CDYL: variants seen among roughly 807,000 people sequenced by gnomAD.
The protein encoded by CDYL is chromodomain Y like.
A neutral mutation model predicts 47.3 loss-of-function variants in CDYL; 8 were observed. The ratio of observed to expected loss-of-function variants is 0.17; its 90% CI spans 0.10 to 0.31. CDYL has a LOEUF of 0.31. Among genes scored for constraint, CDYL ranks in the 10% least tolerant of loss-of-function variants. The pLI is 1.00. For missense variants in CDYL, 471 were observed against 701.4 expected (o/e 0.67, Z 3.71); for synonymous variants, 266 against 265.0 (o/e 1.00, Z -0.04).
At chr6:4,744,565 G>A (rs1257714800) in intron 3 of CDYL, among the ~76,000 whole-genome samples, 1 of 152,140 alleles carries the variant, frequency 6.6e-6, no homozygotes, top group Non-Finnish European at 1.5e-5. Flanking sequence ...GAAAAGTCCA[G>A]AGTCCTACTA....
At chr6:4,775,353 C>A (rs1439098925), upstream of CDYL, 1 of 152,404 alleles carries the variant, frequency 6.6e-6, no homozygotes, top group Non-Finnish European at 1.5e-5. The surrounding 1 kb of genome is among the most constrained non-coding windows in gnomAD (Gnocchi z 7.0). Context: ...TGGGGCACGT[C>A]CAGGGCCCGG....
At chr6:4,727,431 C>T (rs1000581871) in intron 2 of CDYL, among the ~76,000 whole-genome samples, 54 of 152,268 alleles carry the variant, frequency 3.5e-4, no homozygotes, top group African/African-American at 1.3e-3. Flanking sequence ...TCCACAGGCT[C>T]AAGCCCATCT....
intron 1 of CDYL, among the ~76,000 whole-genome samples, chr6:4,823,909 T>C (rs916023191): frequency 2.6e-5 from 4 of 152,238 alleles, no homozygotes; most frequent in African/African-American, 9.6e-5. Flanking sequence ...CCCCAGTCCC[T>C]GGAAATCTCT....
chr6:4,896,262 C>A (rs943396827), intron 2 of CDYL, among the ~76,000 whole-genome samples: 13 of 152,214 alleles, frequency 8.5e-5, no homozygotes, highest in Non-Finnish European at 1.2e-4. Context: ...TGACAGCAGG[C>A]CTCCTGTGGA....
intron 1 of CDYL, among the ~76,000 whole-genome samples, chr6:4,857,587 C>G (rs780714297): frequency 6.6e-6 from 1 of 152,128 alleles, no homozygotes; most frequent in Non-Finnish European, 1.5e-5. Flanking sequence ...TCGTTGAGGA[C>G]TATTTGTTGC....
chr6:4,742,229 G>A (rs1318150981), intron 3 of CDYL, among the ~76,000 whole-genome samples: 1 of 151,944 alleles, frequency 6.6e-6, no homozygotes, highest in Admixed American at 6.6e-5. Flanking sequence ...TTAGCCAGGT[G>A]TGGTGGTGTG....
chr6:4,802,889 A>G (rs1181178963), intron 1 of CDYL, among the ~76,000 whole-genome samples: 1 of 152,082 alleles, frequency 6.6e-6, no homozygotes, highest in Non-Finnish European at 1.5e-5. Context: ...GCATCTCACT[A>G]AGTACTTGAC....
In CDYL at chr6:4,776,571, C is replaced by G. The variant is rs900512624; in HGVS notation, c.-213C>G. The G allele has an allele frequency of 4.9e-6, 1 of 202,524 alleles. No homozygotes were observed. Among genetic ancestry groups the G allele is most frequent in the Admixed American group, 6.4e-5 (1 of 15,648 alleles). The allele number at this position is 202,524 out of a possible 1,614,324, so 12.5% of individuals were successfully genotyped here. On this transcript the variant is annotated 5_prime_UTR_variant, in exon 1 of 7. Coordinates refer to ENST00000397588, the MANE Select transcript of CDYL (RefSeq NM_004824.4). The stretch of plus-strand genomic sequence containing the variant: ...GGGAGTGAGCGCGGGGCGCCCAGGG[C>G]GCGTTGCGTAGCTGCTCCTGCGCAC...
intron 1 of CDYL, among the ~76,000 whole-genome samples, chr6:4,792,185 T>C (rs1265334): frequency 0.21 from 32,458 of 151,390 alleles, 4,971 homozygotes; most frequent in African/African-American, 0.44. Context: ...AGCCACTGCA[T>C]CTGGCCAGGA....
At chr6:4,909,105 G>A (rs2000122) in intron 2 of CDYL, among the ~76,000 whole-genome samples, 149,176 of 152,322 alleles carry the variant, frequency 0.98, 73,124 homozygotes, top group Middle Eastern at 1. Context: ...TTCACCTGAC[G>A]CCTTTGGTTT....
intron 1 of CDYL, among the ~76,000 whole-genome samples, chr6:4,833,014 A>C (rs1416595941): frequency 1.3e-5 from 2 of 150,888 alleles, no homozygotes; most frequent in Non-Finnish European, 3.0e-5. Context: ...TGATCCTTTC[A>C]AAAAACCAGC....
rs367596345 is a variant in CDYL at position 4,895,216 on chromosome 6, T to G, written c.691+2837T>G. On this transcript the variant is annotated intron_variant, in intron 2 of 6. Transcript: ENST00000397588. ...ATGTATACATGAGTATATATGTACA[T>G]ATGTGTATAGATACATATATGTACA... Among the ~76,000 whole-genome samples the G allele has an allele frequency of 3.0e-4, 9 of 30,158 alleles. 3 individuals are homozygous for G. Among genetic ancestry groups the G allele is most frequent in the African/African-American group, 3.6e-4 (9 of 25,212 alleles). The allele number at this position is 30,158 out of a possible 152,430, so 19.8% of individuals were successfully genotyped here.
chr6:4,713,223 G>A (rs1302073770), intron 1 of CDYL, among the ~76,000 whole-genome samples: 1 of 152,186 alleles, frequency 6.6e-6, no homozygotes, highest in Admixed American at 6.5e-5. Flanking sequence ...TCAGAGCAGA[G>A]CTGGAATCTG....
chr6:4,922,878 C>T (rs1005576124), intron 2 of CDYL, among the ~76,000 whole-genome samples: 2 of 152,232 alleles, frequency 1.3e-5, no homozygotes, highest in African/African-American at 4.8e-5. Flanking sequence ...TCACACACCA[C>T]GGGGCCTGAG....
At chr6:4,937,780 G>A in intron 4 of CDYL, 43 bp downstream of exon 4, 3 of 1,537,686 alleles carry the variant, frequency 2.0e-6, no homozygotes, top group Middle Eastern at 1.8e-4. Context: ...TGGGTGTTTT[G>A]TTTTTGGTAA....
At position 4,770,290 on chromosome 6, in the gene CDYL, G is replaced by A. The variant is rs543101965; in HGVS notation, c.186+35446G>A. On this transcript the variant is annotated intron_variant, in intron 3 of 8. Coordinates refer to the CDYL transcript ENST00000328908. ...ATTTATTGAGTGACTATAACTTAAT[G>A]ATTCAAAACTTAGACCCTAGTGTTA... 6.6e-5 allele frequency among the ~76,000 whole-genome samples: 10 copies of A among 152,234 alleles called. No individual in the cohort carries two copies. The South Asian group carries it at 2.1e-3, about 32-fold the overall frequency.
At chr6:4,888,723 T>C (rs1761962688) in intron 1 of CDYL, among the ~76,000 whole-genome samples, 1 of 152,176 alleles carries the variant, frequency 6.6e-6, no homozygotes, top group African/African-American at 2.4e-5. Context: ...ATTTGAGGTC[T>C]TTCTTCTTTT....
chr6:4,744,122 A>G (rs554183015), intron 3 of CDYL, among the ~76,000 whole-genome samples: 21 of 152,308 alleles, frequency 1.4e-4, no homozygotes, highest in South Asian at 4.1e-4. Context: ...GAGCAGGACG[A>G]AGGTCAGATG....
intron 1 of CDYL, among the ~76,000 whole-genome samples, chr6:4,821,499 C>T (rs1326633932): frequency 1.3e-5 from 2 of 151,728 alleles, no homozygotes; most frequent in African/African-American, 2.4e-5. Context: ...TTTGGGGGGC[C>T]GAAGCGGGCG....
Sources: gnomAD v4.1 joint callset for allele counts (sites outside exome capture counted in the v4.1 genomes callset) on GRCh38, gnomAD v4.1.1 for gene constraint, Gnocchi (gnomAD v3.1) non-coding constraint, MANE v1.5 for transcripts, NCBI Gene and HGNC (gene_info 2026-07-23, HGNC 2026-07-21) for gene names.